SEC14L5: variants seen among roughly 807,000 people sequenced by gnomAD.
The protein encoded by SEC14L5 is SEC14 like lipid binding 5, also known as SEC14-like protein 5.
Under a neutral mutation model 84.6 loss-of-function variants are expected in SEC14L5, and 96 were observed. The observed-to-expected ratio is 1.13, with a 90% CI of 0.96 to 1.34. SEC14L5 has a LOEUF of 1.34. Among genes scored for constraint, SEC14L5 ranks in the 40% most tolerant of loss-of-function variants. The probability of loss-of-function intolerance (pLI) is 0.00; values close to 1 mark genes in which losing one functional copy is unlikely to be tolerated. For synonymous variants in SEC14L5, 546 were observed against 383.4 expected (o/e 1.42, Z -4.95); for missense variants, 1,224 against 942.5 (o/e 1.30, Z -3.91).
At chr16:5,008,687 G>T in intron 14 of SEC14L5, 39 bp downstream of exon 14, 1 of 1,542,894 alleles carries the variant, frequency 6.5e-7, no homozygotes, top group Non-Finnish European at 8.9e-7. Context: ...TCACCAAGCA[G>T]CACTGAGTGT....
chr16:4,979,014 G>A (rs867229192), intron 2 of SEC14L5, among the ~76,000 whole-genome samples: 2 of 152,180 alleles, frequency 1.3e-5, no homozygotes, highest in Non-Finnish European at 2.9e-5. Context: ...CACTTCACCC[G>A]ACCTCAGCCA....
Position 4,996,417 on chromosome 16 carries a change from T to A in SEC14L5, c.737T>A (p.Leu246Gln). Residue 246 changes from leucine (L) to glutamine (Q), a missense_variant, in exon 7 of 16, where the codon CTG (leucine) becomes CAG (glutamine). Leu to Gln is a moderately radical substitution (Grantham distance 113, BLOSUM62 -2). Transcript: ENST00000251170. ...GHLTPMQESCLIQLRHWLQET... is the reference protein window; with the variant it reads ...GHLTPMQESCQIQLRHWLQET... ...CTCACGCCCATGCAGGAGAGCTGCC[T>A]GATCCAGCTTCGGCACTGGTTACAG... 6.4e-7 allele frequency: 1 copy of A among 1,574,332 alleles called. No individual in the cohort carries two copies. The highest frequency in any genetic ancestry group is 8.6e-7 in the Non-Finnish European group (1 of 1,160,768).
At chr16:5,008,319 G>T (rs1331627978) in intron 13 of SEC14L5, 102 bp from the exon 14 acceptor site, 1 of 790,136 alleles carries the variant, frequency 1.3e-6, no homozygotes, top group Non-Finnish European at 2.1e-6. Flanking sequence ...GCCTGGGAAA[G>T]GAGACCCCAG....
chr16:5,010,692 A>T (rs1045391373), intron 14 of SEC14L5, among the ~76,000 whole-genome samples: 5 of 150,206 alleles, frequency 3.3e-5, no homozygotes, highest in Non-Finnish European at 7.4e-5. Flanking sequence ...TCCCTTTCTC[A>T]CTCTCCCTGA....
At chr16:4,961,977 GCAAA>G (rs1298955622) in intron 2 of SEC14L5, among the ~76,000 whole-genome samples, 1 of 151,720 alleles carries the variant, frequency 6.6e-6, no homozygotes, top group East Asian at 1.9e-4. Context: ...CCTGTGCGAG[GCAAA>G]CAGACACACA....
chr16:5,008,692 GA>G (rs1568151814), intron 14 of SEC14L5, 44 bp downstream of exon 14: 1 of 1,521,784 alleles, frequency 6.6e-7, no homozygotes, highest in East Asian at 2.3e-5. Context: ...AAGCAGCACT[GA>G]GTGTCCACTG....
intron 13 of SEC14L5, 105 bp from the exon 14 acceptor site, chr16:5,008,316 A>C: frequency 1.3e-6 from 1 of 770,466 alleles, no homozygotes; most frequent in Non-Finnish European, 2.2e-6. Context: ...TGTGCCTGGG[A>C]AAGGAGACCC....
At chr16:4,996,773 T>G (rs1218634633) in intron 7 of SEC14L5, 82 bp from the exon 8 acceptor site, 2 of 1,089,590 alleles carry the variant, frequency 1.8e-6, no homozygotes, top group Non-Finnish European at 2.7e-6. Flanking sequence ...GGTCTCACCA[T>G]GTTGCCCCGG....
rs564692282 is a variant in SEC14L5, at chr16:4,991,989, G to C, written c.626G>C (p.Arg209Pro). The change falls in exon 6 of 16, where the codon CGT (arginine) becomes CCT (proline). Residue 209 changes from arginine (R) to proline (P), a missense_variant. Arg to Pro is a moderately radical substitution (Grantham distance 103, BLOSUM62 -2). Transcript: ENST00000251170. ...AGCTCCCTGGAGGCCCACGGGCCCC[G>C]TAGCACCCTGGGGCCCGCTCTGGAG... Reference protein sequence around the residue: ...DPSSLEAHGPRSTLGPALEAV... With the variant: ...DPSSLEAHGPPSTLGPALEAV... The C allele has an allele frequency of 8.8e-6, 14 of 1,583,908 alleles. 1 individual carries two copies. In the East Asian group the frequency reaches 3.2e-4, roughly 36 times the overall value.
intron 6 of SEC14L5, among the ~76,000 whole-genome samples, chr16:4,992,834 A>C (rs983914929): frequency 5.9e-5 from 9 of 152,204 alleles, no homozygotes; most frequent in Non-Finnish European, 1.0e-4. Flanking sequence ...TGCACATAAA[A>C]TGTATATATA....
At chr16:5,008,683 A>G (rs1482509641) in intron 14 of SEC14L5, 35 bp downstream of exon 14, 7 of 1,556,636 alleles carry the variant, frequency 4.5e-6, no homozygotes, top group Admixed American at 3.6e-5. Context: ...TCGCTCACCA[A>G]GCAGCACTGA....
At chr16:4,961,625 G>A (rs148982962) in intron 2 of SEC14L5, among the ~76,000 whole-genome samples, 253 of 152,266 alleles carry the variant, frequency 1.7e-3, no homozygotes, top group Admixed American at 5.1e-3. Flanking sequence ...CACTGCATCC[G>A]GCCCCTATTC....
intron 2 of SEC14L5, among the ~76,000 whole-genome samples, chr16:4,962,759 G>GT (rs777015947): frequency 6.6e-6 from 1 of 151,564 alleles, no homozygotes; most frequent in South Asian, 2.1e-4. Flanking sequence ...TTTCCAGAGG[G>GT]ACTGCCACAA....
intron 2 of SEC14L5, 45 bp downstream of exon 2, chr16:4,959,431 G>A: frequency 6.5e-7 from 1 of 1,542,778 alleles, no homozygotes; most frequent in African/African-American, 1.4e-5. Flanking sequence ...CAGTTGGAGG[G>A]GCTTGAGATC....
At chr16:4,981,254 GGTTTTTT>G (rs1346048972) in intron 2 of SEC14L5, among the ~76,000 whole-genome samples, 1 of 110,558 alleles carries the variant, frequency 9.0e-6, no homozygotes, top group African/African-American at 3.3e-5. Flanking sequence ...CTAGCTAATT[GGTTTTTT>G]TTTTTTTTTT....
At chr16:4,966,329 A>T (rs553449545) in intron 2 of SEC14L5, among the ~76,000 whole-genome samples, 1 of 130,768 alleles carries the variant, frequency 7.6e-6, no homozygotes, top group East Asian at 2.4e-4. Flanking sequence ...GCTGGAGTGC[A>T]GTGGCATGGT....
At chr16:5,007,518 A>C in intron 13 of SEC14L5, 32 bp downstream of exon 13, 1 of 1,605,614 alleles carries the variant, frequency 6.2e-7, no homozygotes, top group Non-Finnish European at 8.5e-7. Context: ...GGGCCCGCTG[A>C]GCTGGAGTGT....
rs1955861771 is a variant in SEC14L5, at chr16:5,015,255, G to C, written c.*285G>C. 2.6e-6 allele frequency: 1 copy of C among 385,834 alleles called. No individual in the cohort carries two copies. Among genetic ancestry groups the C allele is most frequent in the African/African-American group, 2.0e-5 (1 of 49,478 alleles). The allele number at this position is 385,834 out of a possible 1,614,324, so 23.9% of individuals were successfully genotyped here. ...ACCATACCACACCTTTGGGACATCC[G>C]GGCTTAGCGACGTCAGCCAGGCCCA... On this transcript the variant is annotated 3_prime_UTR_variant, in exon 16 of 16. Transcript: ENST00000251170.
intron 15 of SEC14L5, among the ~76,000 whole-genome samples, chr16:5,012,448 C>T (rs1207322549): frequency 2.6e-5 from 4 of 152,150 alleles, no homozygotes; most frequent in South Asian, 2.1e-4. Flanking sequence ...GTTTCCTGGT[C>T]GCCCTCAGGG....
Sources: allele counts gnomAD v4.1 joint callset (sites outside exome capture counted in the v4.1 genomes callset), GRCh38; gene constraint gnomAD v4.1.1; transcripts MANE v1.5; gene names NCBI Gene and HGNC (gene_info 2026-07-23, HGNC 2026-07-21).